The following PDE9A variants were observed in gnomAD, a reference collection of about 807,000 sequenced individuals.
PDE9A encodes the protein phosphodiesterase 9A.
In PDE9A, 60 loss-of-function variants were observed where a neutral mutation model predicts 87.4. The observed-to-expected ratio is 0.69, with a 90% CI of 0.56 to 0.85. PDE9A has a LOEUF of 0.85. Among genes scored for constraint, PDE9A ranks in the 40% least tolerant of loss-of-function variants. The pLI, the probability that PDE9A is intolerant of heterozygous loss-of-function variation, is 0.00. For missense variants in PDE9A, 665 were observed against 779.0 expected (o/e 0.85, Z 1.74); for synonymous variants, 272 against 279.4 (o/e 0.97, Z 0.27).
chr21:42,696,688 C>T lies in PDE9A; in HGVS notation c.219-2280C>T, dbSNP rs1475026615. ...CCTCCCAGCCCAGGCCCTTCCTAGG[C>T]AACCCTGGCACGGGTCCTCACTGGC... On this transcript the variant is annotated intron_variant, in intron 3 of 19. Coordinates refer to ENST00000291539, the MANE Select transcript of PDE9A (RefSeq NM_002606.3). This position sits in a 1 kb window ranked among gnomAD's most constrained non-coding sequence, Gnocchi z 5.1. Among the ~76,000 whole-genome samples the T allele has an allele frequency of 6.6e-6, 1 of 152,226 alleles. No individual in the cohort carries two copies. The highest frequency in any genetic ancestry group is 1.9e-4 in the East Asian group (1 of 5,188).
chr21:42,742,740 CA>C (rs1447330635), intron 7 of PDE9A, among the ~76,000 whole-genome samples: 1 of 152,120 alleles, frequency 6.6e-6, no homozygotes, highest in Admixed American at 6.5e-5. Context: ...GCTGGGATTA[CA>C]GGCGTGAGCC....
rs116598811 is a variant in PDE9A, at chr21:42,675,103, G to T, written c.70-11089G>T. 1.7e-3 allele frequency among the ~76,000 whole-genome samples: 254 copies of T among 152,358 alleles called. No homozygotes were observed. Among genetic ancestry groups the T allele is most frequent in the African/African-American group, 5.8e-3 (242 of 41,580 alleles). ...TTCTCACACAGGTGTGCGTTTAGGA[G>T]TGTGTAAGTGCGTGTAAGTGTGTGT... On this transcript the variant is annotated intron_variant, in intron 1 of 19. Transcript: ENST00000291539. This position sits in a 1 kb window ranked among gnomAD's most constrained non-coding sequence, Gnocchi z 4.3.
At chr21:42,673,673 G>T (rs1055408771) in intron 1 of PDE9A, among the ~76,000 whole-genome samples, 2 of 152,200 alleles carry the variant, frequency 1.3e-5, no homozygotes, top group African/African-American at 4.8e-5. Flanking sequence ...TTTGGATTTG[G>T]GGGTTCGAGG....
intron 1 of PDE9A, among the ~76,000 whole-genome samples, chr21:42,662,721 T>G (rs111167011): frequency 6.6e-5 from 6 of 90,310 alleles, no homozygotes; most frequent in Non-Finnish European, 1.4e-4. Flanking sequence ...CATCACACAC[T>G]TGTACACACC....
intron 4 of PDE9A, among the ~76,000 whole-genome samples, chr21:42,706,989 G>A (rs2048895927): frequency 6.6e-6 from 1 of 152,134 alleles, no homozygotes; most frequent in Admixed American, 6.5e-5. Context: ...TGGCTGCATT[G>A]TGTGGCTGTG....
At chr21:42,762,970 G>C (rs2055972123) in intron 14 of PDE9A, among the ~76,000 whole-genome samples, 1 of 152,214 alleles carries the variant, frequency 6.6e-6, no homozygotes, top group Admixed American at 6.5e-5. Flanking sequence ...TGGGATTACA[G>C]GTGTGAGCCA....
chr21:42,686,924 C>T (rs987736569), intron 2 of PDE9A, among the ~76,000 whole-genome samples: 1 of 152,178 alleles, frequency 6.6e-6, no homozygotes, highest in African/African-American at 2.4e-5. Flanking sequence ...CCCCACATCA[C>T]CCCATAGGTG....
rs573875137 is a variant in PDE9A, at chr21:42,768,440, G to C, written c.1461+148G>C. The C allele has an allele frequency of 6.3e-5, 67 of 1,060,950 alleles. No homozygotes were observed. In the African/African-American group the frequency reaches 9.3e-4, roughly 15 times the overall value. The allele number at this position is 1,060,950 out of a possible 1,614,324, so 65.7% of individuals were successfully genotyped here. A position where few individuals can be genotyped will look rare whatever the true frequency, so the allele number is the denominator to read the frequency against. On this transcript the variant is annotated intron_variant, in intron 16 of 19. Transcript: ENST00000291539. Reference sequence around the variant, plus strand: ...CCTCCAGAAAGCCTTCAGGGTAAGCGTACATCAGAAACAAAATAGGTTATA... The same window carrying C: ...CCTCCAGAAAGCCTTCAGGGTAAGCCTACATCAGAAACAAAATAGGTTATA...
intron 7 of PDE9A, among the ~76,000 whole-genome samples, chr21:42,736,931 T>C (rs1473114940): frequency 1.3e-5 from 2 of 152,218 alleles, no homozygotes; most frequent in Non-Finnish European, 2.9e-5. Flanking sequence ...GCACCTGTGC[T>C]GAGCCCCAGA....
chr21:42,775,476 A>G lies in PDE9A; in HGVS notation c.*183A>G. On this transcript the variant is annotated 3_prime_UTR_variant, in exon 20 of 20. Transcript: ENST00000291539. ...ATGCTGTACAGAATTTTATTTTTAA[A>G]CTGTCTTTTAAATAATATATTCTTA... 3.9e-6 allele frequency: 2 copies of G among 511,440 alleles called. No homozygotes were observed. The highest frequency in any genetic ancestry group is 7.0e-6 in the Non-Finnish European group (2 of 286,374). 31.7% of individuals were successfully genotyped at this position (511,440 alleles called of 1,614,324 possible).
intron 7 of PDE9A, chr21:42,733,878 A>G: frequency 6.2e-6 from 1 of 161,052 alleles, no homozygotes; most frequent in Non-Finnish European, 1.4e-5. Context: ...CTCACGTTGA[A>G]ATGTCATTCG....
intron 1 of PDE9A, among the ~76,000 whole-genome samples, chr21:42,674,384 A>C (rs1259098270): frequency 1.3e-5 from 2 of 149,540 alleles, no homozygotes; most frequent in Non-Finnish European, 3.0e-5. Flanking sequence ...GGCGTGAGAA[A>C]TTCTTTAACA....
chr21:42,686,815 AAAAT>A lies in PDE9A; in HGVS notation c.140+569_140+572del, dbSNP rs904376292. The stretch of plus-strand genomic sequence containing the variant: ...GGGCAACAGAGCGAGACTCCGCCTC[AAAAT>A]AAATAAATAAATAAAAAAGAGTGTG... On this transcript the variant is annotated intron_variant, in intron 2 of 19. Coordinates refer to ENST00000291539, the MANE Select transcript of PDE9A (RefSeq NM_002606.3). Among the ~76,000 whole-genome samples, 12 of 152,098 alleles carry A rather than the reference AAAAT, an allele frequency of 7.9e-5. No individual in the cohort carries two copies. The South Asian group carries it at 1.5e-3, about 18-fold the overall frequency.
chr21:42,763,660 A>G (rs2056058881), intron 14 of PDE9A, among the ~76,000 whole-genome samples: 1 of 152,200 alleles, frequency 6.6e-6, no homozygotes. Flanking sequence ...ACACTCACCC[A>G]GGGCACCGTC....
chr21:42,757,208 T>C (rs956251414), intron 10 of PDE9A: 2 of 152,236 alleles, frequency 1.3e-5, no homozygotes, highest in African/African-American at 2.4e-5. Context: ...CCAACCTACA[T>C]CTGTACTGTC....
rs575345740 is a variant in PDE9A, at chr21:42,666,839, C to G, written c.69+12956C>G. 4.2e-4 allele frequency among the ~76,000 whole-genome samples: 64 copies of G among 152,354 alleles called. No homozygotes were observed. The South Asian group carries it at 0.013, about 31-fold the overall frequency. ...CCGCTTTGGGAAGTGGGAATGACCT[C>G]TCCCTTCCCCATCTTCTGGCCTTTG... On this transcript the variant is annotated intron_variant, in intron 1 of 19. Coordinates refer to ENST00000291539, the MANE Select transcript of PDE9A (RefSeq NM_002606.3).
chr21:42,674,518 C>T (rs927362797), intron 1 of PDE9A, among the ~76,000 whole-genome samples: 1 of 152,024 alleles, frequency 6.6e-6, no homozygotes, highest in African/African-American at 2.4e-5. Context: ...CCCTCCAGCC[C>T]CTGGCCTTTG....
Position 42,705,679 on chromosome 21 carries a change from G to A in PDE9A, c.262+6668G>A, listed in dbSNP as rs2048770359. On this transcript the variant is annotated intron_variant, in intron 4 of 19. Transcript: ENST00000291539. This position sits in a 1 kb window ranked among gnomAD's most constrained non-coding sequence, Gnocchi z 4.3. ...CCCAAGTCCTATAGGAGAGCCAGGGGCCATCACGATTTTCTTAGGCACAGC... is the reference window on the plus strand; with the variant it reads ...CCCAAGTCCTATAGGAGAGCCAGGGACCATCACGATTTTCTTAGGCACAGC... Among the ~76,000 whole-genome samples the A allele has an allele frequency of 6.6e-6, 1 of 152,202 alleles. No individual in the cohort carries two copies. The highest frequency in any genetic ancestry group is 1.5e-5 in the Non-Finnish European group (1 of 68,020).
chr21:42,670,314 C>CCACAAT lies in PDE9A; in HGVS notation c.70-15874_70-15873insATCACA, dbSNP rs1555902204. ...ACATTCACACACATACACTTAGACA[C>CCACAAT]CACACTCACATTCACACACATTCAC... On this transcript the variant is annotated intron_variant, in intron 1 of 19. Coordinates refer to ENST00000291539, the MANE Select transcript of PDE9A (RefSeq NM_002606.3). Among the ~76,000 whole-genome samples the CCACAAT allele has an allele frequency of 1.4e-4, 16 of 116,660 alleles. 1 individual carries two copies. The highest frequency in any genetic ancestry group is 9.4e-4 in the African/African-American group (16 of 17,070). 76.5% of individuals were successfully genotyped at this position (116,660 alleles called of 152,430 possible).
Sources: allele counts gnomAD v4.1 joint callset (sites outside exome capture counted in the v4.1 genomes callset), GRCh38; gene constraint gnomAD v4.1.1; non-coding constraint Gnocchi (gnomAD v3.1); transcripts MANE v1.5; gene names NCBI Gene and HGNC (gene_info 2026-07-23, HGNC 2026-07-21).